SLC24A2: variants seen among roughly 807,000 people sequenced by gnomAD.
SLC24A2 encodes solute carrier family 24 member 2.
SLC24A2 carries 36 observed loss-of-function variants against 62.0 expected under a neutral mutation model. The ratio of observed to expected loss-of-function variants is 0.58; its 90% CI spans 0.44 to 0.77. The LOEUF (loss-of-function observed/expected upper bound fraction) is 0.77, where lower values mean the gene tolerates loss of function less well. Among genes scored for constraint, SLC24A2 ranks in the 30% least tolerant of loss-of-function variants. The pLI is 0.00. For synonymous variants in SLC24A2, 358 were observed against 294.0 expected (o/e 1.22, Z -2.23); for missense variants, 846 against 817.9 (o/e 1.03, Z -0.42).
the SLC24A2 span, among the ~76,000 whole-genome samples, chr9:20,031,895 G>T: frequency 1.3e-5 from 2 of 152,154 alleles, no homozygotes; most frequent in African/African-American, 2.4e-5. Context: ...CAGATTTGTA[G>T]TGTGCACCAA....
At chr9:19,891,175 A>G in the SLC24A2 span, among the ~76,000 whole-genome samples, 1 of 152,190 alleles carries the variant, frequency 6.6e-6, no homozygotes, top group Non-Finnish European at 1.5e-5. Context: ...CTGGACTACT[A>G]AAGTGGCCTC....
the SLC24A2 span, among the ~76,000 whole-genome samples, chr9:20,083,353 CG>C: frequency 6.6e-5 from 10 of 152,130 alleles, no homozygotes; most frequent in Non-Finnish European, 1.2e-4. Context: ...CAAATGGATA[CG>C]AAACAGTGGA....
Position 19,629,162 on chromosome 9 carries a change from T to A in SLC24A2, c.931-6863A>T, listed in dbSNP as rs1413398915. 3.3e-5 allele frequency among the ~76,000 whole-genome samples: 5 copies of A among 152,264 alleles called. No individual in the cohort carries two copies. The East Asian group carries it at 7.7e-4, about 23-fold the overall frequency. On this transcript the variant is annotated intron_variant, in intron 2 of 10. Transcript: ENST00000341998. ...GTTGGACAATTTTTCCAAGGCCACA[T>A]AGCCAGCAAGTGGCAGAGCTCAGAT...
chr9:20,220,760 A>G, the SLC24A2 span, among the ~76,000 whole-genome samples: 2 of 152,286 alleles, frequency 1.3e-5, no homozygotes, highest in African/African-American at 4.8e-5. Flanking sequence ...GCTAAGATCC[A>G]GGATGGAGTG....
At chr9:20,118,667 C>T in the SLC24A2 span, among the ~76,000 whole-genome samples, 5 of 151,862 alleles carry the variant, frequency 3.3e-5, no homozygotes, top group Non-Finnish European at 5.9e-5. Context: ...GGAAAAGAAG[C>T]ATATGAAAAT....
At chr9:19,871,164 T>A in the SLC24A2 span, among the ~76,000 whole-genome samples, 1 of 152,198 alleles carries the variant, frequency 6.6e-6, no homozygotes, top group Non-Finnish European at 1.5e-5. Context: ...TTGGGAGTTC[T>A]TTTCTCCATT....
chr9:19,850,967 G>GTATATATATATATACATATA, the SLC24A2 span, among the ~76,000 whole-genome samples: 2 of 18,192 alleles, frequency 1.1e-4, no homozygotes, highest in Non-Finnish European at 2.4e-4. Context: ...ATATATATAT[G>GTATATATATATATACATATA]TATATATATA....
the SLC24A2 span, among the ~76,000 whole-genome samples, chr9:20,219,271 G>A: frequency 1.4e-4 from 22 of 152,268 alleles, no homozygotes; most frequent in South Asian, 4.6e-3. Context: ...GCAGGCAGAT[G>A]CTGACAGTAT....
At chr9:19,624,815 A>T (rs1488776830) in intron 2 of SLC24A2, among the ~76,000 whole-genome samples, 1 of 152,206 alleles carries the variant, frequency 6.6e-6, no homozygotes, top group Non-Finnish European at 1.5e-5. Flanking sequence ...ATATGATGGT[A>T]ATTGCCCATT....
the SLC24A2 span, among the ~76,000 whole-genome samples, chr9:19,825,770 CA>C: frequency 1.3e-5 from 2 of 151,786 alleles, no homozygotes; most frequent in Non-Finnish European, 2.9e-5. Context: ...AAGAAGCTGA[CA>C]AAGTAATTAT....
In SLC24A2 at chr9:19,512,806, AAG is replaced by A. The variant is rs951656569; in HGVS notation, c.*3345_*3346del. The A allele has an allele frequency of 6.6e-5, 10 of 152,222 alleles. No homozygotes were observed. Among genetic ancestry groups the A allele is most frequent in the Admixed American group, 1.3e-4 (2 of 15,278 alleles). 9.4% of individuals were successfully genotyped at this position (152,222 alleles called of 1,614,324 possible). A position where few individuals can be genotyped will look rare whatever the true frequency, so the allele number is the denominator to read the frequency against. On this transcript the variant is annotated 3_prime_UTR_variant, in exon 11 of 11. Transcript: ENST00000341998. ...TTTTATACCCTGCTCCAGAGAAGCA[AAG>A]AGAGTATCTGCAGTCTAAATTTTTG... is the stretch of plus-strand genomic sequence containing the variant.
intron 4 of SLC24A2, among the ~76,000 whole-genome samples, chr9:19,602,788 T>C (rs903861600): frequency 6.6e-6 from 1 of 152,194 alleles, no homozygotes; most frequent in African/African-American, 2.4e-5. Context: ...ATCTGTAATA[T>C]GGTTATAATA....
the SLC24A2 span, among the ~76,000 whole-genome samples, chr9:20,246,246 C>G: frequency 1.6e-3 from 237 of 152,280 alleles, no homozygotes; most frequent in Non-Finnish European, 2.9e-3. Context: ...ATAGCATCAT[C>G]TAAATATTAA....
At chr9:19,953,580 C>T in the SLC24A2 span, among the ~76,000 whole-genome samples, 3 of 152,038 alleles carry the variant, frequency 2.0e-5, no homozygotes, top group South Asian at 6.2e-4. Flanking sequence ...TCTCAAGGCA[C>T]CTCAGATCAA....
chr9:19,729,834 T>G (rs1821282432), intron 2 of SLC24A2, among the ~76,000 whole-genome samples: 1 of 152,086 alleles, frequency 6.6e-6, no homozygotes, highest in Non-Finnish European at 1.5e-5. Flanking sequence ...GTTAAAAATA[T>G]GTTAGATAGT....
intron 2 of SLC24A2, 108 bp from the exon 3 acceptor site, chr9:19,622,407 T>G (rs1178214566): frequency 3.5e-6 from 4 of 1,143,718 alleles, no homozygotes; most frequent in Admixed American, 3.9e-5. Flanking sequence ...GAAGATTTCA[T>G]TCTTTCTGCT....
At chr9:19,565,873 T>C (rs188281943) in intron 7 of SLC24A2, among the ~76,000 whole-genome samples, 5,797 of 148,158 alleles carry the variant, frequency 0.039, 506 homozygotes, top group African/African-American at 0.15. Context: ...GAAAGGATTC[T>C]CTATTTAATA....
At chr9:19,596,704 C>G (rs913804839) in intron 5 of SLC24A2, among the ~76,000 whole-genome samples, 2 of 152,206 alleles carry the variant, frequency 1.3e-5, no homozygotes, top group Admixed American at 1.3e-4. Context: ...CAGAGTAATG[C>G]TCCTATCTGA....
chr9:20,303,344 G>A, the SLC24A2 span, among the ~76,000 whole-genome samples: 8 of 152,188 alleles, frequency 5.3e-5, no homozygotes, highest in Non-Finnish European at 1.2e-4. Flanking sequence ...ATGGTTGAGA[G>A]CAAGGATTTA....
Sources: gnomAD v4.1 joint callset for allele counts (sites outside exome capture counted in the v4.1 genomes callset) on GRCh38, gnomAD v4.1.1 for gene constraint, MANE v1.5 for transcripts, NCBI Gene and HGNC (gene_info 2026-07-23, HGNC 2026-07-21) for gene names.